DBNDD1: variants seen among roughly 807,000 people sequenced by gnomAD.
DBNDD1 encodes dysbindin domain-containing protein 1.
In DBNDD1, 14 loss-of-function variants were observed where a neutral mutation model predicts 17.0. That is an observed-to-expected ratio of 0.82 (90% CI 0.54 to 1.29). The LOEUF is 1.29. DBNDD1 is among the 50% of genes most tolerant of loss of function. The pLI is 0.00. For missense variants in DBNDD1, 221 were observed against 216.2 expected (o/e 1.02, Z -0.14); for synonymous variants, 105 against 102.0 (o/e 1.03, Z -0.18).
At chr16:90,016,795 C>G (rs763265601) in intron 1 of DBNDD1, among the ~76,000 whole-genome samples, 2 of 152,196 alleles carry the variant, frequency 1.3e-5, no homozygotes, top group Admixed American at 6.5e-5. Flanking sequence ...TCCAGAGCAT[C>G]GAGGAGGCAC....
chr16:90,015,496 A>C (rs2035625538), intron 1 of DBNDD1, among the ~76,000 whole-genome samples: 1 of 152,196 alleles, frequency 6.6e-6, no homozygotes, highest in South Asian at 2.1e-4. Context: ...TTCTATGTGG[A>C]TTTCTGACTT....
At chr16:90,016,493 G>T (rs1471726234) in intron 1 of DBNDD1, among the ~76,000 whole-genome samples, 1 of 152,152 alleles carries the variant, frequency 6.6e-6, no homozygotes, top group Non-Finnish European at 1.5e-5. Context: ...TCCCAGGAAG[G>T]ACCCCAGAGT....
chr16:90,018,485 C>T (rs1440438149), intron 1 of DBNDD1, among the ~76,000 whole-genome samples: 1 of 152,206 alleles, frequency 6.6e-6, no homozygotes, highest in Non-Finnish European at 1.5e-5. Context: ...CCTGCTGGCT[C>T]CCTGGAATGG....
At chr16:90,013,281 AAAGAC>A (rs1353109235) in intron 1 of DBNDD1, among the ~76,000 whole-genome samples, 3 of 150,052 alleles carry the variant, frequency 2.0e-5, no homozygotes, top group East Asian at 3.9e-4. Flanking sequence ...AAAAAAAAAA[AAAGAC>A]AGTGGCTTAT....
At chr16:90,014,438 T>G (rs2035606078) in intron 1 of DBNDD1, among the ~76,000 whole-genome samples, 1 of 152,100 alleles carries the variant, frequency 6.6e-6, no homozygotes, top group African/African-American at 2.4e-5. Flanking sequence ...ACCTGCATTT[T>G]TACGACGAGG....
chr16:90,013,698 T>C (rs1417503268), intron 1 of DBNDD1, among the ~76,000 whole-genome samples: 1 of 152,208 alleles, frequency 6.6e-6, no homozygotes, highest in Non-Finnish European at 1.5e-5. Flanking sequence ...GCCCCTCATC[T>C]AGACGAAGGC....
chr16:90,006,574 C>T (rs544826059), intron 3 of DBNDD1, 82 bp from the exon 4 acceptor site: 3 of 1,502,298 alleles, frequency 2.0e-6, no homozygotes, highest in African/African-American at 2.7e-5. Context: ...CGCCGGCCTC[C>T]TGCGCCACTC....
intron 2 of DBNDD1, 41 bp downstream of exon 2, chr16:90,009,243 G>A (rs776009647): frequency 1.1e-5 from 18 of 1,606,664 alleles, no homozygotes; most frequent in Middle Eastern, 1.8e-4. Flanking sequence ...GGGAGCTCAC[G>A]GGGTCCCCAT....
chr16:90,008,722 C>G (rs1446949105), intron 3 of DBNDD1, 62 bp downstream of exon 3: 2 of 1,521,258 alleles, frequency 1.3e-6, no homozygotes, highest in Admixed American at 3.6e-5. Flanking sequence ...CCTCCCAGGA[C>G]TTCCCAAGGG....
At chr16:90,013,223 C>T (rs1208637378) in intron 1 of DBNDD1, among the ~76,000 whole-genome samples, 2 of 124,408 alleles carry the variant, frequency 1.6e-5, no homozygotes, top group Admixed American at 1.0e-4. Context: ...GAGCTGTGAT[C>T]GTGCCATCCA....
chr16:90,008,698 G>GC (rs2035487538), intron 3 of DBNDD1, 86 bp downstream of exon 3: 2 of 1,277,020 alleles, frequency 1.6e-6, no homozygotes, highest in East Asian at 4.9e-5. Flanking sequence ...AGGGCCCTCA[G>GC]CCCACCACAC....
intron 1 of DBNDD1, chr16:90,011,632 G>T (rs1277689828): frequency 1.5e-5 from 7 of 454,944 alleles, no homozygotes; most frequent in Admixed American, 1.2e-4. Context: ...CCCGTTTCAG[G>T]CCTGGGGGTT....
intron 1 of DBNDD1, chr16:90,010,249 T>C: frequency 6.1e-6 from 3 of 495,798 alleles, no homozygotes; most frequent in South Asian, 4.7e-5. Flanking sequence ...TTTCACCATG[T>C]TGGCCAGGCT....
rs1194793313 is a variant in DBNDD1 at position 90,019,217 on chromosome 16, C to T, written c.31+94G>A. On this transcript the variant is annotated intron_variant, in intron 1 of 3. Coordinates refer to ENST00000002501, the MANE Select transcript of DBNDD1 (RefSeq NM_001042610.3). This position sits in a 1 kb window ranked among gnomAD's most constrained non-coding sequence, Gnocchi z 6.1. The stretch of plus-strand genomic sequence containing the variant: ...CTGCCAAAGGGGTCTTCGCGACTCC[C>T]GGGAGCGGCGAAGGGTGAGCCCTGG... 1 of 617,622 alleles carries T rather than the reference C, an allele frequency of 1.6e-6. No homozygotes were observed. Among genetic ancestry groups the T allele is most frequent in the Non-Finnish European group, 2.3e-6 (1 of 436,340 alleles). The allele number at this position is 617,622 out of a possible 1,614,324, so 38.3% of individuals were successfully genotyped here. A position where few individuals can be genotyped will look rare whatever the true frequency, so the allele number is the denominator to read the frequency against.
At position 90,012,115 on chromosome 16, in the gene DBNDD1, G is replaced by A. The variant is rs890124953; in HGVS notation, c.32-2685C>T. 7.9e-5 allele frequency among the ~76,000 whole-genome samples: 12 copies of A among 152,258 alleles called. 1 individual carries two copies. The highest frequency in any genetic ancestry group is 7.2e-4 in the Admixed American group (11 of 15,290). ...AGCCCTGTCCTAGCCTCGAGTCTCAGGAGGGTGCTGCAGCCGGCCCTGAGG... is the reference window on the plus strand; with the variant it reads ...AGCCCTGTCCTAGCCTCGAGTCTCAAGAGGGTGCTGCAGCCGGCCCTGAGG... On this transcript the variant is annotated intron_variant, in intron 1 of 3. Coordinates refer to ENST00000002501, the MANE Select transcript of DBNDD1 (RefSeq NM_001042610.3).
At chr16:90,016,697 G>A (rs1443860258) in intron 1 of DBNDD1, among the ~76,000 whole-genome samples, 1 of 152,138 alleles carries the variant, frequency 6.6e-6, no homozygotes, top group East Asian at 1.9e-4. Context: ...CTGATGCCCT[G>A]TGCTCTGCTG....
In DBNDD1 at chr16:90,014,189, C is replaced by T. The variant is rs181296181; in HGVS notation, c.32-4759G>A. Among the ~76,000 whole-genome samples the T allele has an allele frequency of 7.6e-3, 1,157 of 151,610 alleles. 18 individuals are homozygous for T. Among genetic ancestry groups the T allele is most frequent in the Middle Eastern group, 0.031 (9 of 294 alleles). ...GTCACCAGGCTGGAGGGCAATGGCG[C>T]GATCTCTGCTCACTGCAAACTCCAC... On this transcript the variant is annotated intron_variant, in intron 1 of 3. Coordinates refer to ENST00000002501, the MANE Select transcript of DBNDD1 (RefSeq NM_001042610.3).
rs1043240996 is a variant in DBNDD1, at chr16:90,005,813, T to G, written c.*522A>C. The G allele has an allele frequency of 6.5e-6, 1 of 154,158 alleles. No individual in the cohort carries two copies. The highest frequency in any genetic ancestry group is 6.3e-5 in the Admixed American group (1 of 15,772). The allele number at this position is 154,158 out of a possible 1,614,324, so 9.5% of individuals were successfully genotyped here. ...AATTTTGGGGCCGCTTCTCCATGTG[T>G]GCTTTGCTGGACAGCACATTGTCCC... is the stretch of plus-strand genomic sequence containing the variant. On this transcript the variant is annotated 3_prime_UTR_variant, in exon 4 of 4. Coordinates refer to ENST00000002501, the MANE Select transcript of DBNDD1 (RefSeq NM_001042610.3).
chr16:90,014,934 G>C (rs1287294351), intron 1 of DBNDD1, among the ~76,000 whole-genome samples: 1 of 151,780 alleles, frequency 6.6e-6, no homozygotes, highest in Non-Finnish European at 1.5e-5. Flanking sequence ...GAACCTAGGA[G>C]GTGGAGTTTG....
Sources: allele counts gnomAD v4.1 joint callset (sites outside exome capture counted in the v4.1 genomes callset), GRCh38; gene constraint gnomAD v4.1.1; non-coding constraint Gnocchi (gnomAD v3.1); transcripts MANE v1.5; gene names NCBI Gene and HGNC (gene_info 2026-07-23, HGNC 2026-07-21).